The following MAN2B2 variants were observed in gnomAD, a reference collection of about 807,000 sequenced individuals.
The protein encoded by MAN2B2 is epididymis-specific alpha-mannosidase.
MAN2B2 carries 106 observed loss-of-function variants against 117.1 expected under a neutral mutation model. The observed-to-expected ratio is 0.90, with a 90% CI of 0.77 to 1.06. The LOEUF (loss-of-function observed/expected upper bound fraction) is 1.06. MAN2B2 is among the 50% of genes least tolerant of loss of function. MAN2B2 has a pLI of 0.00. For missense variants in MAN2B2, 1,326 were observed against 1,381.4 expected (o/e 0.96, Z 0.64); for synonymous variants, 544 against 595.1 (o/e 0.91, Z 1.25).
chr4:6,598,180 C>A lies in MAN2B2; in HGVS notation c.1249-18C>A, dbSNP rs1230401009. ...AGGTCCTGATCCTGTTCTTCCTCCC[C>A]TCTGGGGGTTGCTGCAGGTCCAGCA... On this transcript the variant is annotated intron_variant, in intron 8 of 18. Transcript: ENST00000285599. 6 of 1,611,164 alleles carry A rather than the reference C, an allele frequency of 3.7e-6. No individual in the cohort carries two copies. The highest frequency in any genetic ancestry group is 5.1e-6 in the Non-Finnish European group (6 of 1,178,144).
At chr4:6,584,021 C>T (rs756326529) in intron 3 of MAN2B2, among the ~76,000 whole-genome samples, 2 of 152,214 alleles carry the variant, frequency 1.3e-5, no homozygotes, top group Non-Finnish European at 2.9e-5. Flanking sequence ...TCACGTCTCC[C>T]TGGCACCTGC....
chr4:6,617,065 G>A (rs2108760164), intron 16 of MAN2B2, among the ~76,000 whole-genome samples: 1 of 152,292 alleles, frequency 6.6e-6, no homozygotes, highest in African/African-American at 2.4e-5. Flanking sequence ...ATGGTGGCAG[G>A]CAAGAGAGCG....
intron 17 of MAN2B2, chr4:6,618,441 A>G (rs1274146547): frequency 3.9e-5 from 6 of 152,110 alleles, no homozygotes; most frequent in African/African-American, 1.4e-4. Flanking sequence ...CATCTCCGGC[A>G]CCCCATGCCT....
In MAN2B2 at chr4:6,622,465, G is replaced by A. The variant is rs1162649962; in HGVS notation, c.*1180G>A. 2 of 148,380 alleles carry A rather than the reference G, an allele frequency of 1.3e-5. No homozygotes were observed. The highest frequency in any genetic ancestry group is 3.0e-5 in the Non-Finnish European group (2 of 67,532). The allele number at this position is 148,380 out of a possible 1,614,324, so 9.2% of individuals were successfully genotyped here. A position where few individuals can be genotyped will look rare whatever the true frequency, so the allele number is the denominator to read the frequency against. On this transcript the variant is annotated 3_prime_UTR_variant, in exon 19 of 19. Coordinates refer to ENST00000285599, the MANE Select transcript of MAN2B2 (RefSeq NM_015274.3). ...TTTTTTTTTTTTTTCCCGAGACAGA[G>A]TCTCACTCTGTCGCCCAGGCTGGAG...
In MAN2B2 at chr4:6,609,802, A is replaced by G. The variant is rs752683719; in HGVS notation, c.2011A>G (p.Met671Val). Residue 671 changes from methionine (M) to valine (V), a missense_variant, in exon 13 of 19, where the codon ATG becomes GTG. Physicochemically the swap from Met to Val is conservative, Grantham distance 21. Transcript: ENST00000285599. ...TGATGCTCCCTTCTCCTCCAGGAAC[A>G]TGACAGCACAGAATTACACGTATGC... Reference protein sequence around the residue: ...TEIRQYFYRNMTAQNYTYAIR... With the variant: ...TEIRQYFYRNVTAQNYTYAIR... 3.7e-6 allele frequency: 6 copies of G among 1,612,978 alleles called. No homozygotes were observed. Among genetic ancestry groups the G allele is most frequent in the Non-Finnish European group, 5.1e-6 (6 of 1,179,204 alleles).
chr4:6,598,143 C>G (rs1727176699), intron 8 of MAN2B2, 55 bp from the exon 9 acceptor site: 1 of 1,577,082 alleles, frequency 6.3e-7, no homozygotes, highest in Non-Finnish European at 8.7e-7. Context: ...CTTGTAGGTG[C>G]TTTGCAGAGT....
intron 15 of MAN2B2, among the ~76,000 whole-genome samples, chr4:6,611,572 T>TTTTTTTTTTTTTTTTTTG (rs1560661832): frequency 6.6e-6 from 1 of 152,214 alleles, no homozygotes; most frequent in African/African-American, 2.4e-5. Context: ...TTTCCTTTCT[T>TTTTTTTTTTTTTTTTTTG]AATATGACAT....
At position 6,611,219 on chromosome 4, in the gene MAN2B2, G is replaced by A. The variant is rs149381083; in HGVS notation, c.2504G>A (p.Arg835His). The change falls in exon 15 of 19, where the codon CGC becomes CAC. Residue 835 changes from arginine to histidine, a missense_variant. Transcript: ENST00000285599. ...TCCTGGTCCCTCACCACTGCCCTGC[G>A]CCAGAGGAGCGCACTGGCGCTGCAG... ...LGSWSLTTALRQRSALALQHR... is the reference protein window; with the variant it reads ...LGSWSLTTALHQRSALALQHR... The A allele has an allele frequency of 9.6e-5, 155 of 1,613,564 alleles. No homozygotes were observed. Among genetic ancestry groups the A allele is most frequent in the Non-Finnish European group, 1.2e-4 (136 of 1,179,978 alleles).
rs202078896 is a variant in MAN2B2 at position 6,594,642 on chromosome 4, G to C, written c.967G>C (p.Ala323Pro). The change falls in exon 7 of 19, where the codon GCC (alanine) becomes CCC (proline). Residue 323 changes from alanine to proline, a missense_variant. Coordinates refer to ENST00000285599, the MANE Select transcript of MAN2B2 (RefSeq NM_015274.3). ...CGAGCTCGGTGTCTCGGTGCAGTATGCCACGCTGGGCGACTACTTCCGTGC... is the reference window on the plus strand; with the variant it reads ...CGAGCTCGGTGTCTCGGTGCAGTATCCCACGCTGGGCGACTACTTCCGTGC... ...AAELGVSVQY[A>P]TLGDYFRALH... 16 of 1,613,478 alleles carry C rather than the reference G, an allele frequency of 9.9e-6. No individual in the cohort carries two copies. Among genetic ancestry groups the C allele is most frequent in the African/African-American group, 1.3e-5 (1 of 74,950 alleles).
intron 16 of MAN2B2, among the ~76,000 whole-genome samples, chr4:6,617,115 A>C (rs1253015225): frequency 6.6e-6 from 1 of 152,190 alleles, no homozygotes. Context: ...ATCAGGTCTC[A>C]TGAGACTTAT....
At chr4:6,619,766 G>A (rs1712070890) in intron 17 of MAN2B2, 161 bp from the exon 18 acceptor site, 5 of 660,572 alleles carry the variant, frequency 7.6e-6, no homozygotes, top group Non-Finnish European at 1.4e-5. Context: ...TCGCAGATGT[G>A]CTGTGAGAAG....
chr4:6,596,296 A>G (rs1727083887), intron 7 of MAN2B2, among the ~76,000 whole-genome samples: 1 of 152,014 alleles, frequency 6.6e-6, no homozygotes, highest in South Asian at 2.1e-4. Context: ...CACTCTCAAC[A>G]TGGCTGCAAA....
At position 6,617,394 on chromosome 4, in the gene MAN2B2, G is replaced by A. The variant is rs1209915205; in HGVS notation, c.2716G>A (p.Ala906Thr). 1 of 1,614,038 alleles carries A rather than the reference G, an allele frequency of 6.2e-7. No individual in the cohort carries two copies. The highest frequency in any genetic ancestry group is 8.5e-7 in the Non-Finnish European group (1 of 1,179,960). Reference sequence around the variant, plus strand: ...TGTCCCCAAAGGCCATCGAGGGGAAGCCCAGGCTGACCTCCGCCGTGTCCT... The same window carrying A: ...TGTCCCCAAAGGCCATCGAGGGGAAACCCAGGCTGACCTCCGCCGTGTCCT... ...QNLRKGHRGE[A>T]QADLRRVLLR... Residue 906 changes from alanine (A) to threonine (T), a missense_variant, in exon 17 of 19, where the codon GCC becomes ACC. By Grantham distance (58) the Ala-to-Thr change is moderately conservative. Transcript: ENST00000285599.
chr4:6,589,177 A>G lies in MAN2B2; in HGVS notation c.680+17A>G. 1.3e-6 allele frequency: 2 copies of G among 1,587,222 alleles called. No homozygotes were observed. The highest frequency in any genetic ancestry group is 1.7e-6 in the Non-Finnish European group (2 of 1,155,476). Reference sequence around the variant, plus strand: ...CTCCAACAGGTACGTGCCCTTCCGCAGTGCCTTTGGGATCTCAGACAGCAG... The same window carrying G: ...CTCCAACAGGTACGTGCCCTTCCGCGGTGCCTTTGGGATCTCAGACAGCAG... On this transcript the variant is annotated intron_variant, in intron 5 of 18. Coordinates refer to ENST00000285599, the MANE Select transcript of MAN2B2 (RefSeq NM_015274.3).
At chr4:6,621,082 G>A (rs890715119) in intron 18 of MAN2B2, 106 bp from the exon 19 acceptor site, 4 of 763,798 alleles carry the variant, frequency 5.2e-6, no homozygotes, top group Non-Finnish European at 6.8e-6. Flanking sequence ...GAGGGTGAGA[G>A]GGAGGCTGGG....
At chr4:6,617,735 C>A in intron 17 of MAN2B2, 1 of 563,802 alleles carries the variant, frequency 1.8e-6, no homozygotes, top group Non-Finnish European at 2.9e-6. Flanking sequence ...GTCTGGGGTG[C>A]AGTGGCACAA....
rs192058669 is a variant in MAN2B2, at chr4:6,617,153, G to C, written c.2702-227G>C. On this transcript the variant is annotated intron_variant, in intron 16 of 18. Transcript: ENST00000285599. Reference sequence around the variant, plus strand: ...ACTATCACAAGAACAGCACAGGAAAGACTCACCCCCATGATTCAATTACCT... The same window carrying C: ...ACTATCACAAGAACAGCACAGGAAACACTCACCCCCATGATTCAATTACCT... Among the ~76,000 whole-genome samples, 1,037 of 152,226 alleles carry C rather than the reference G, an allele frequency of 6.8e-3. 11 individuals are homozygous for C. The highest frequency in any genetic ancestry group is 0.068 in the Middle Eastern group (20 of 294).
intron 3 of MAN2B2, among the ~76,000 whole-genome samples, chr4:6,581,715 CCTT>C (rs909960028): frequency 3.3e-5 from 5 of 150,756 alleles, no homozygotes; most frequent in African/African-American, 1.2e-4. Flanking sequence ...AGACCTCTGA[CCTT>C]CTTCTTCGGG....
intron 13 of MAN2B2, 85 bp downstream of exon 13, chr4:6,610,135 A>G: frequency 6.5e-7 from 1 of 1,532,858 alleles, no homozygotes; most frequent in East Asian, 2.3e-5. Flanking sequence ...AGTAGAGGCC[A>G]GTAGAGGCCT....
Sources: gnomAD v4.1 joint callset for allele counts (sites outside exome capture counted in the v4.1 genomes callset) on GRCh38, gnomAD v4.1.1 for gene constraint, MANE v1.5 for transcripts, NCBI Gene and HGNC (gene_info 2026-07-23, HGNC 2026-07-21) for gene names.